The following TRIM29 variants were observed in gnomAD, a reference collection of about 807,000 sequenced individuals.
The protein encoded by TRIM29 is tripartite motif-containing protein 29.
In TRIM29, 52 loss-of-function variants were observed where a neutral mutation model predicts 57.3. The observed-to-expected ratio is 0.91, with a 90% confidence interval of 0.73 to 1.14. TRIM29 has a LOEUF of 1.14. Among genes scored for constraint, TRIM29 ranks in the 50% most tolerant of loss-of-function variants. TRIM29 has a pLI of 0.00. For missense variants in TRIM29, 753 were observed against 774.6 expected (o/e 0.97, Z 0.33); for synonymous variants, 319 against 316.9 (o/e 1.01, Z -0.07).
rs780544693 is a variant in TRIM29, at chr11:120,125,762, A to T, written c.1262T>A (p.Met421Lys). 1.1e-5 allele frequency: 18 copies of T among 1,614,080 alleles called. No homozygotes were observed. The African/African-American group carries it at 2.4e-4, about 22-fold the overall frequency. Residue 421 changes from methionine (M) to lysine (K), a missense_variant, in exon 4 of 9, where the codon ATG becomes AAG. Transcript: ENST00000341846. ...CTTGCACATCTTCTCAACGTGGCGC[A>T]TGCATACATTGAGCAGGTCGTCCTT... is the stretch of plus-strand genomic sequence containing the variant. ...NFKDDLLNVC[M>K]RHVEKMCKAD...
At chr11:120,118,376 G>T (rs2134989462) in intron 6 of TRIM29, 55 bp from the exon 7 acceptor site, 2 of 1,408,184 alleles carry the variant, frequency 1.4e-6, no homozygotes, top group South Asian at 2.6e-5. Flanking sequence ...GGGAGAGGAG[G>T]CAGGACCAGG....
chr11:120,115,734 C>T (rs549908790), intron 7 of TRIM29: 293 of 307,734 alleles, frequency 9.5e-4, no homozygotes, highest in Middle Eastern at 3.0e-3. Context: ...CACTCACCCA[C>T]CCCGGAGGTT....
At chr11:120,128,335 C>T in intron 2 of TRIM29, 65 bp downstream of exon 2, 3 of 1,472,612 alleles carry the variant, frequency 2.0e-6, no homozygotes, top group Admixed American at 3.4e-5. Flanking sequence ...GAGCCAAGGC[C>T]TGCGTCTTTC....
intron 8 of TRIM29, among the ~76,000 whole-genome samples, chr11:120,115,118 C>G (rs1863234200): frequency 6.6e-6 from 1 of 152,218 alleles, no homozygotes. Context: ...AAACTGAGGT[C>G]CAGAGAGTGT....
rs771208638 is a variant in TRIM29 at position 120,128,500 on chromosome 11, A to T, written c.805-5T>A. The T allele has an allele frequency of 1.2e-6, 2 of 1,608,348 alleles. No homozygotes were observed. Among genetic ancestry groups the T allele is most frequent in the South Asian group, 2.2e-5 (2 of 90,916 alleles). On this transcript the variant is annotated splice_region_variant and splice_polypyrimidine_tract_variant and intron_variant, in intron 1 of 8. Transcript: ENST00000341846. Reference sequence around the variant, plus strand: ...CTTTTGCAATGACAGCTCCGTCTGCAGAGAAAGAGCCAGGATTGGAGAAGT... The same window carrying T: ...CTTTTGCAATGACAGCTCCGTCTGCTGAGAAAGAGCCAGGATTGGAGAAGT...
At chr11:120,132,012 G>A (rs1407522321) in intron 1 of TRIM29, among the ~76,000 whole-genome samples, 1 of 151,200 alleles carries the variant, frequency 6.6e-6, no homozygotes, top group Non-Finnish European at 1.5e-5. Flanking sequence ...TCTCACAGTT[G>A]GAAAGCGGTA....
chr11:120,127,487 A>G lies in TRIM29; in HGVS notation c.983T>C (p.Val328Ala), dbSNP rs1863618565. ...VRDLEKQKEEVRAALEQREQD... is the reference protein window; with the variant it reads ...VRDLEKQKEEARAALEQREQD... Reference sequence around the variant, plus strand: ...CTCCCGCTGCTCCAGCGCAGCCCTCACTTCCTCCTTTTGCTTCTCCAGGTC... The same window carrying G: ...CTCCCGCTGCTCCAGCGCAGCCCTCGCTTCCTCCTTTTGCTTCTCCAGGTC... The change falls in exon 3 of 9, where the codon GTG becomes GCG. Residue 328 changes from valine (V) to alanine (A), a missense_variant. Physicochemically the swap from Val to Ala is moderately conservative, Grantham distance 64. Coordinates refer to ENST00000341846, the MANE Select transcript of TRIM29 (RefSeq NM_012101.4). 6.2e-7 allele frequency: 1 copy of G among 1,614,040 alleles called. No homozygotes were observed. Among genetic ancestry groups the G allele is most frequent in the Non-Finnish European group, 8.5e-7 (1 of 1,180,034 alleles).
At chr11:120,125,409 T>TAAAA in intron 4 of TRIM29, 4 of 462,020 alleles carry the variant, frequency 8.7e-6, no homozygotes, top group East Asian at 3.7e-5. Flanking sequence ...TCTCTGAGTT[T>TAAAA]GATGGACAAC....
chr11:120,121,146 T>G (rs1863435630), intron 5 of TRIM29, among the ~76,000 whole-genome samples: 1 of 151,946 alleles, frequency 6.6e-6, no homozygotes, highest in Non-Finnish European at 1.5e-5. Context: ...GAGCTCCCCA[T>G]GTGTATTCTA....
rs967736793 is a variant in TRIM29 at position 120,133,602 on chromosome 11, G to A, written c.804+3626C>T. On this transcript the variant is annotated intron_variant, in intron 1 of 8. Coordinates refer to ENST00000341846, the MANE Select transcript of TRIM29 (RefSeq NM_012101.4). ...CCCCCAAAGTCACCAAGGTCTCCAG[G>A]GAAAGTGGGCCCAGCCCCTCCAGGG... is the stretch of plus-strand genomic sequence containing the variant. 4.3e-4 allele frequency among the ~76,000 whole-genome samples: 65 copies of A among 152,294 alleles called. 1 individual carries two copies. Among genetic ancestry groups the A allele is most frequent in the African/African-American group, 1.5e-3 (63 of 41,556 alleles).
intron 8 of TRIM29, among the ~76,000 whole-genome samples, chr11:120,114,310 C>T (rs1863212224): frequency 6.6e-6 from 1 of 152,224 alleles, no homozygotes; most frequent in Admixed American, 6.5e-5. Flanking sequence ...CCCATATCTG[C>T]TTTCTGCAGT....
chr11:120,128,301 T>C (rs1417483409), intron 2 of TRIM29, 99 bp downstream of exon 2: 1 of 949,948 alleles, frequency 1.1e-6, no homozygotes, highest in Admixed American at 2.1e-5. Context: ...TTGGGATGTC[T>C]ACGTGGGCCT....
intron 1 of TRIM29, among the ~76,000 whole-genome samples, chr11:120,136,648 G>A (rs763868530): frequency 6.6e-6 from 1 of 152,144 alleles, no homozygotes; most frequent in Non-Finnish European, 1.5e-5. Flanking sequence ...GCCACTGTAC[G>A]ACAATAAAAA....
intron 7 of TRIM29, chr11:120,116,132 A>G (rs1591317579): frequency 6.6e-6 from 1 of 152,324 alleles, no homozygotes; most frequent in East Asian, 1.9e-4. Context: ...AGGTGCAGGA[A>G]TCTGTCATTG....
rs1591329639 is a variant in TRIM29, at chr11:120,130,153, C to T, written c.805-1658G>A. Among the ~76,000 whole-genome samples the T allele has an allele frequency of 3.3e-5, 5 of 152,208 alleles. No homozygotes were observed. In the South Asian group the frequency reaches 1.0e-3, roughly 32 times the overall value. On this transcript the variant is annotated intron_variant, in intron 1 of 8. Coordinates refer to ENST00000341846, the MANE Select transcript of TRIM29 (RefSeq NM_012101.4). ...ACACAGGCTGGCAGATCCCACAGCC[C>T]CAAAGGCCTCTTAGGAGGCTGGATT...
At chr11:120,118,800 GGT>G (rs1394441558) in intron 6 of TRIM29, 1 of 154,644 alleles carries the variant, frequency 6.5e-6, no homozygotes, top group African/African-American at 2.4e-5. Flanking sequence ...GCGATTCATG[GGT>G]GGGGTCTTCA....
intron 7 of TRIM29, chr11:120,115,765 TC>T: frequency 7.9e-6 from 2 of 252,140 alleles, no homozygotes; most frequent in Non-Finnish European, 1.5e-5. Context: ...GCCCTCCCCT[TC>T]CCAGAGCCCA....
chr11:120,122,120 T>TTGTGTGTGTG, intron 5 of TRIM29: 1 of 321,714 alleles, frequency 3.1e-6, no homozygotes, highest in South Asian at 2.1e-5. Context: ...GCCTCTCCCA[T>TTGTGTGTGTG]TGTGTGTGTG....
intron 1 of TRIM29, among the ~76,000 whole-genome samples, chr11:120,133,930 C>T (rs559546072): frequency 3.3e-5 from 5 of 152,128 alleles, no homozygotes; most frequent in Non-Finnish European, 5.9e-5. Flanking sequence ...CAGAGCAGGC[C>T]AGATCCATGA....
Sources: gnomAD v4.1 joint callset for allele counts (sites outside exome capture counted in the v4.1 genomes callset) on GRCh38, gnomAD v4.1.1 for gene constraint, MANE v1.5 for transcripts, NCBI Gene and HGNC (gene_info 2026-07-23, HGNC 2026-07-21) for gene names.